The following MGST2 variants were observed in gnomAD, a reference collection of about 807,000 sequenced individuals.
MGST2 encodes microsomal glutathione S-transferase 2.
A neutral mutation model predicts 16.6 loss-of-function variants in MGST2; 9 were observed. The observed-to-expected ratio is 0.54, with a 90% CI of 0.33 to 0.95. MGST2 has a LOEUF of 0.95. Among genes scored for constraint, MGST2 ranks in the 40% least tolerant of loss-of-function variants. The probability of loss-of-function intolerance (pLI) is 0.03; values close to 1 mark genes in which losing one functional copy is unlikely to be tolerated. For missense variants in MGST2, 159 were observed against 175.1 expected, an observed-to-expected ratio of 0.91 and a Z score of 0.52; for synonymous variants, 79 against 68.0, an observed-to-expected ratio of 1.16 and a Z score of -0.79.
intron 1 of MGST2, among the ~76,000 whole-genome samples, chr4:139,674,429 A>G (rs1477843515): frequency 1.3e-5 from 2 of 151,744 alleles, no homozygotes; most frequent in Non-Finnish European, 2.9e-5. Flanking sequence ...TTTGTCCACA[A>G]GGAATTTCCT....
intron 1 of MGST2, among the ~76,000 whole-genome samples, chr4:139,666,372 A>AC (rs1730352492): frequency 6.6e-6 from 1 of 152,010 alleles, no homozygotes. Context: ...TGTGATTACG[A>AC]CCCACAGCCC....
chr4:139,696,496 T>C (rs1274974911), intron 3 of MGST2, among the ~76,000 whole-genome samples: 3 of 152,216 alleles, frequency 2.0e-5, no homozygotes, highest in Non-Finnish European at 4.4e-5. Context: ...TTCCTTATCA[T>C]CTGGCAGTGG....
At chr4:139,691,884 T>C (rs1244864496) in intron 2 of MGST2, among the ~76,000 whole-genome samples, 1 of 152,054 alleles carries the variant, frequency 6.6e-6, no homozygotes, top group African/African-American at 2.4e-5. Context: ...ATTTTTTAAG[T>C]AGAGACGGGG....
At chr4:139,709,071 ATTTTTTT>A (rs377191495), downstream of MGST2, among the ~76,000 whole-genome samples, 169 of 82,006 alleles carry the variant, frequency 2.1e-3, 5 homozygotes, top group East Asian at 3.9e-3. Flanking sequence ...AATGGAAAAA[ATTTTTTT>A]TTTTTTTTTT....
chr4:139,729,156 C>CAAAAAAAAAAAAAAAA (rs4057275), intron 5 of MGST2, among the ~76,000 whole-genome samples: 2 of 81,704 alleles, frequency 2.4e-5, no homozygotes, highest in African/African-American at 4.8e-5. Flanking sequence ...GGAACAAAAG[C>CAAAAAAAAAAAAAAAA]AAAAAAAAAA....
At chr4:139,674,031 C>T (rs1055135775) in intron 1 of MGST2, among the ~76,000 whole-genome samples, 5 of 152,228 alleles carry the variant, frequency 3.3e-5, no homozygotes, top group Admixed American at 3.3e-4. Context: ...GGGAGCAAGG[C>T]TTTGTCTAAA....
At chr4:139,726,575 C>T (rs1728480825) in intron 5 of MGST2, among the ~76,000 whole-genome samples, 1 of 151,444 alleles carries the variant, frequency 6.6e-6, no homozygotes, top group Middle Eastern at 3.4e-3. Context: ...TTTTTAATGA[C>T]CTAAGTGGAT....
intron 3 of MGST2, among the ~76,000 whole-genome samples, chr4:139,701,396 A>G (rs757061860): frequency 6.6e-6 from 1 of 151,990 alleles, no homozygotes; most frequent in Non-Finnish European, 1.5e-5. Context: ...CTTCCTTCCC[A>G]GCTCTTTGCT....
At chr4:139,713,308 C>T (rs1251852753) in intron 5 of MGST2, among the ~76,000 whole-genome samples, 1 of 151,944 alleles carries the variant, frequency 6.6e-6, no homozygotes, top group Non-Finnish European at 1.5e-5. Context: ...GCTTTTAATT[C>T]CTGGGGTTTC....
downstream of MGST2, among the ~76,000 whole-genome samples, chr4:139,708,738 C>T (rs1222566343): frequency 6.6e-6 from 1 of 152,062 alleles, no homozygotes; most frequent in Non-Finnish European, 1.5e-5. Flanking sequence ...CGCGGTGGCT[C>T]ACGCCTGTAA....
chr4:139,695,243 A>G lies in MGST2; in HGVS notation c.205A>G (p.Met69Val), dbSNP rs748417296. The G allele has an allele frequency of 5.6e-6, 9 of 1,613,306 alleles. 1 individual carries two copies. Residue 69 changes from methionine (M) to valine (V), a missense_variant, in exon 3 of 5, where the codon ATG (methionine) becomes GTG (valine). Met to Val is a conservative substitution (Grantham distance 21). Coordinates refer to ENST00000265498, the MANE Select transcript of MGST2 (RefSeq NM_002413.5). ...TCCTATATTCATAATTACATTGTGG[A>G]TGGCTGGGTGGTATTTCAACCAAGG... ...FYPIFIITLWMAGWYFNQVFA... is the reference protein window; with the variant it reads ...FYPIFIITLWVAGWYFNQVFA...
At chr4:139,746,130 A>AT in the MGST2 span, among the ~76,000 whole-genome samples, 1 of 152,234 alleles carries the variant, frequency 6.6e-6, no homozygotes, top group Non-Finnish European at 1.5e-5. Flanking sequence ...TCTCAGTTGG[A>AT]TTTTTTATTA....
chr4:139,691,806 C>T (rs1158415521), intron 2 of MGST2, among the ~76,000 whole-genome samples: 1 of 152,182 alleles, frequency 6.6e-6, no homozygotes, highest in Admixed American at 6.5e-5. Context: ...TCACACCATT[C>T]TCCTGCCTTA....
At chr4:139,720,486 A>G (rs1728191147) in intron 5 of MGST2, among the ~76,000 whole-genome samples, 1 of 152,246 alleles carries the variant, frequency 6.6e-6, no homozygotes, top group Non-Finnish European at 1.5e-5. Context: ...TGATTATAGC[A>G]TATGCTGATT....
At chr4:139,744,930 G>A (rs781392293), downstream of MGST2, among the ~76,000 whole-genome samples, 3 of 152,212 alleles carry the variant, frequency 2.0e-5, no homozygotes, top group Admixed American at 6.5e-5. Context: ...ATGAGTTCTA[G>A]GCAGTGTTTG....
intron 5 of MGST2, chr4:139,717,263 C>CCTGT (rs947477320): frequency 6.6e-6 from 1 of 152,600 alleles, no homozygotes; most frequent in African/African-American, 2.4e-5. Flanking sequence ...GCCCCCCACC[C>CCTGT]CTGTCTGTCT....
Position 139,704,185 on chromosome 4 carries a change from C to T in MGST2, c.*37C>T, listed in dbSNP as rs577326809. ...CCCTTTAATACTTGCAGAAGCTGTT[C>T]CCACCATGAAGGTAATATGGTATCA... On this transcript the variant is annotated 3_prime_UTR_variant, in exon 5 of 5. Coordinates refer to ENST00000265498, the MANE Select transcript of MGST2 (RefSeq NM_002413.5). 2 of 1,609,570 alleles carry T rather than the reference C, an allele frequency of 1.2e-6. No homozygotes were observed. Among genetic ancestry groups the T allele is most frequent in the South Asian group, 1.1e-5 (1 of 90,936 alleles).
chr4:139,709,071 ATTTTTTTTTTTT>A (rs377191495), downstream of MGST2, among the ~76,000 whole-genome samples: 11 of 82,026 alleles, frequency 1.3e-4, 1 homozygote, highest in South Asian at 4.9e-3. Flanking sequence ...AATGGAAAAA[ATTTTTTTTTTTT>A]TTTTTTTTTT....
chr4:139,737,629 A>G (rs1397464825), intron 5 of MGST2, among the ~76,000 whole-genome samples: 1 of 152,208 alleles, frequency 6.6e-6, no homozygotes, highest in Non-Finnish European at 1.5e-5. Context: ...ATTTAAAGAA[A>G]GGGCATAAGA....
Sources: gnomAD v4.1 joint callset for allele counts (sites outside exome capture counted in the v4.1 genomes callset) on GRCh38, gnomAD v4.1.1 for gene constraint, MANE v1.5 for transcripts, NCBI Gene and HGNC (gene_info 2026-07-23, HGNC 2026-07-21) for gene names.